The following AOAH variants were observed in gnomAD, a reference collection of about 807,000 sequenced individuals.
AOAH encodes acyloxyacyl hydrolase, also known as acyloxyacyl hydrolase (neutrophil).
In AOAH, 64 loss-of-function variants were observed where a neutral mutation model predicts 92.2. That is an observed-to-expected ratio of 0.69 (90% CI 0.57 to 0.86). The LOEUF (loss-of-function observed/expected upper bound fraction) is 0.86. Among genes scored for constraint, AOAH ranks in the 40% least tolerant of loss-of-function variants. The pLI is 0.00. For missense variants in AOAH, 656 were observed against 694.6 expected (o/e 0.94, Z 0.62); for synonymous variants, 263 against 254.5 (o/e 1.03, Z -0.32).
At chr7:36,704,229 T>C (rs192599970) in intron 1 of AOAH, among the ~76,000 whole-genome samples, 48 of 152,318 alleles carry the variant, frequency 3.2e-4, no homozygotes, top group African/African-American at 8.9e-4. Context: ...TTTGTTTAAG[T>C]TCCTTGTAGA....
At chr7:36,525,710 G>A (rs1274443191) in intron 19 of AOAH, among the ~76,000 whole-genome samples, 3 of 152,184 alleles carry the variant, frequency 2.0e-5, no homozygotes. Flanking sequence ...TGTGTAGGAT[G>A]ATCAACTGGT....
At chr7:36,632,312 AG>A (rs1397028666) in intron 5 of AOAH, among the ~76,000 whole-genome samples, 2 of 152,066 alleles carry the variant, frequency 1.3e-5, no homozygotes, top group Admixed American at 1.3e-4. Flanking sequence ...CGGGCTCCTC[AG>A]CCCGAAGCCT....
chr7:36,642,363 G>A (rs962859808), intron 4 of AOAH, among the ~76,000 whole-genome samples: 1 of 152,122 alleles, frequency 6.6e-6, no homozygotes, highest in Non-Finnish European at 1.5e-5. Context: ...GATACAGGGA[G>A]AATGCTATCT....
intron 11 of AOAH, among the ~76,000 whole-genome samples, chr7:36,603,769 T>C (rs998330495): frequency 3.3e-5 from 5 of 152,208 alleles, no homozygotes; most frequent in Non-Finnish European, 5.9e-5. Context: ...ACTTAGTTTG[T>C]ATCTGGGCTC....
chr7:36,697,918 T>C (rs905106841), intron 1 of AOAH, among the ~76,000 whole-genome samples: 6 of 152,140 alleles, frequency 3.9e-5, no homozygotes, highest in African/African-American at 1.4e-4. Context: ...GTTACACAGC[T>C]GTAAGACAAG....
At chr7:36,663,301 G>A (rs749104596) in intron 3 of AOAH, among the ~76,000 whole-genome samples, 15 of 152,136 alleles carry the variant, frequency 9.9e-5, no homozygotes, top group South Asian at 2.1e-4. Flanking sequence ...TGATAAACCC[G>A]CATTGACACA....
intron 4 of AOAH, among the ~76,000 whole-genome samples, chr7:36,653,919 C>T (rs1794724878): frequency 6.6e-6 from 1 of 152,112 alleles, no homozygotes; most frequent in South Asian, 2.1e-4. Context: ...CTCCAGGATG[C>T]TTCTGGCTCA....
chr7:36,686,555 T>A, intron 2 of AOAH, 144 bp downstream of exon 2: 1 of 446,648 alleles, frequency 2.2e-6, no homozygotes, highest in Non-Finnish European at 3.8e-6. Flanking sequence ...TTAATTTCTA[T>A]AAGCCCCACA....
chr7:36,569,475 AT>A (rs1787944646), intron 13 of AOAH, among the ~76,000 whole-genome samples: 5 of 31,562 alleles, frequency 1.6e-4, no homozygotes, highest in Admixed American at 1.4e-3. Flanking sequence ...AAAAAAATCT[AT>A]CTATCTATCT....
intron 12 of AOAH, among the ~76,000 whole-genome samples, chr7:36,588,280 ATG>A (rs763771526): frequency 1.6e-4 from 24 of 152,334 alleles, no homozygotes; most frequent in Admixed American, 2.6e-4. Flanking sequence ...ATCTGTACCA[ATG>A]GCTACATAGT....
At chr7:36,642,861 G>C (rs1793999757) in intron 4 of AOAH, among the ~76,000 whole-genome samples, 1 of 152,196 alleles carries the variant, frequency 6.6e-6, no homozygotes, top group South Asian at 2.1e-4. Context: ...GGACCATAGA[G>C]TGTTTGTGGT....
intron 6 of AOAH, among the ~76,000 whole-genome samples, chr7:36,631,449 G>A (rs1292542976): frequency 2.0e-5 from 3 of 152,000 alleles, no homozygotes; most frequent in Non-Finnish European, 2.9e-5. Context: ...ACCCTTTAAT[G>A]TTTTGAACAG....
intron 1 of AOAH, among the ~76,000 whole-genome samples, chr7:36,707,194 T>C (rs1187957233): frequency 1.3e-5 from 2 of 152,104 alleles, no homozygotes; most frequent in Admixed American, 1.3e-4. Context: ...GAGGCCATTG[T>C]AGGGTTGCTA....
chr7:36,603,171 T>A (rs985629583), intron 11 of AOAH, among the ~76,000 whole-genome samples: 1 of 152,198 alleles, frequency 6.6e-6, no homozygotes, highest in African/African-American at 2.4e-5. Context: ...CTGCAATGAC[T>A]GGCCATGTAG....
At chr7:36,706,183 A>G (rs780987734) in intron 1 of AOAH, among the ~76,000 whole-genome samples, 5 of 152,170 alleles carry the variant, frequency 3.3e-5, no homozygotes, top group African/African-American at 1.2e-4. Context: ...TTCTTACATA[A>G]TAAGACTTTA....
chr7:36,659,405 C>G (rs1795070243), intron 3 of AOAH, 140 bp from the exon 4 acceptor site: 1 of 662,648 alleles, frequency 1.5e-6, no homozygotes, highest in East Asian at 2.8e-5. Flanking sequence ...GACCCCAATC[C>G]CGGGGAGCTG....
intron 8 of AOAH, 54 bp downstream of exon 8, chr7:36,621,656 T>C: frequency 1.3e-6 from 2 of 1,546,616 alleles, no homozygotes; most frequent in East Asian, 2.2e-5. Context: ...ATGTGCCTCC[T>C]GCTTCCTTTT....
chr7:36,522,443 T>C (rs563248512), intron 19 of AOAH, among the ~76,000 whole-genome samples: 6 of 152,330 alleles, frequency 3.9e-5, no homozygotes, highest in South Asian at 2.1e-4. Context: ...TGCAGTAGGA[T>C]GGTATTACAG....
intron 1 of AOAH, among the ~76,000 whole-genome samples, chr7:36,696,449 G>T (rs1340898582): frequency 6.6e-6 from 1 of 152,062 alleles, no homozygotes; most frequent in Non-Finnish European, 1.5e-5. Context: ...GCAATATTTT[G>T]TAATTTTCAG....
Sources: allele counts gnomAD v4.1 joint callset (sites outside exome capture counted in the v4.1 genomes callset), GRCh38; gene constraint gnomAD v4.1.1; transcripts MANE v1.5; gene names NCBI Gene and HGNC (gene_info 2026-07-23, HGNC 2026-07-21).